BRF1: variants seen among roughly 807,000 people sequenced by gnomAD.
The protein encoded by BRF1 is transcription factor IIIB 90 kDa subunit.
A neutral mutation model predicts 81.7 loss-of-function variants in BRF1; 59 were observed. The ratio of observed to expected loss-of-function variants is 0.72; its 90% CI spans 0.59 to 0.90. BRF1 has a LOEUF of 0.90. Ranked by LOEUF, BRF1 falls within the 40% of genes least tolerant of loss-of-function variation. The pLI is 0.00. For synonymous variants in BRF1, 491 were observed against 395.6 expected (o/e 1.24, Z -2.86); for missense variants, 1,050 against 936.3 (o/e 1.12, Z -1.58).
chr14:105,213,788 G>A (rs376885148), intron 15 of BRF1, among the ~76,000 whole-genome samples: 4 of 152,306 alleles, frequency 2.6e-5, no homozygotes, highest in African/African-American at 9.6e-5. Flanking sequence ...TACTCCTGCA[G>A]AACCCGGCTG....
intron 3 of BRF1, among the ~76,000 whole-genome samples, chr14:105,272,326 C>T (rs778962122): frequency 1.6e-4 from 24 of 152,234 alleles, no homozygotes; most frequent in African/African-American, 5.3e-4. Context: ...ACTCGGTGTA[C>T]GCCTGGCTGC....
At chr14:105,244,555 G>A (rs2054944956) in intron 5 of BRF1, among the ~76,000 whole-genome samples, 1 of 152,122 alleles carries the variant, frequency 6.6e-6, no homozygotes, top group African/African-American at 2.4e-5. Context: ...AACGCGGAGT[G>A]GCAGAGCGGC....
chr14:105,241,001 A>C (rs906406078), intron 6 of BRF1, among the ~76,000 whole-genome samples: 1 of 152,192 alleles, frequency 6.6e-6, no homozygotes, highest in Non-Finnish European at 1.5e-5. Context: ...GCCGCACCCC[A>C]GAAGTAGGCA....
intron 4 of BRF1, among the ~76,000 whole-genome samples, chr14:105,253,446 C>T (rs920589401): frequency 6.6e-6 from 1 of 152,230 alleles, no homozygotes; most frequent in Admixed American, 6.5e-5. Context: ...CCCTCTGCCA[C>T]TAGCCTCCCC....
chr14:105,314,914 G>C, intron 1 of BRF1: 1 of 1,025,406 alleles, frequency 9.8e-7, no homozygotes. Flanking sequence ...GGCGGGGCCG[G>C]CGCCATGGCC....
upstream of BRF1, among the ~76,000 whole-genome samples, chr14:105,302,031 C>T (rs587762984): frequency 1.3e-5 from 2 of 151,826 alleles, no homozygotes; most frequent in African/African-American, 4.8e-5. Flanking sequence ...CCCAGCTACT[C>T]GCGAGTCTGA....
chr14:105,289,456 A>ATTCTCTCTTCT (rs2057435639), intron 1 of BRF1, among the ~76,000 whole-genome samples: 1 of 152,226 alleles, frequency 6.6e-6, no homozygotes, highest in African/African-American at 2.4e-5. Context: ...AGAATCCAGA[A>ATTCTCTCTTCT]GAGAGGCCAG....
chr14:105,229,342 C>G (rs587678623), intron 6 of BRF1, among the ~76,000 whole-genome samples: 5 of 152,222 alleles, frequency 3.3e-5, no homozygotes, highest in South Asian at 2.1e-4. Flanking sequence ...CCAGAACCTC[C>G]AGTGCAAACA....
intron 1 of BRF1, among the ~76,000 whole-genome samples, chr14:105,297,034 T>C (rs897520496): frequency 6.6e-6 from 1 of 151,634 alleles, no homozygotes; most frequent in African/African-American, 2.4e-5. Context: ...GGTGGGCTCC[T>C]GTAATCACAG....
intron 2 of BRF1, among the ~76,000 whole-genome samples, chr14:105,281,758 T>A (rs903106244): frequency 9.9e-5 from 15 of 151,936 alleles, no homozygotes; most frequent in South Asian, 2.1e-4. Flanking sequence ...TTTTTTTTTT[T>A]AAATTCCTTT....
rs1413362839 is a variant in BRF1, at chr14:105,271,778, G to A, written c.439+943C>T. ...ACCAGATGCACAGAGACCAGTGCAA[G>A]AGAACACCAGACACTGGATCTCCAC... On this transcript the variant is annotated intron_variant, in intron 3 of 17. Transcript: ENST00000547530. The surrounding 1 kb of genome is among the most constrained non-coding windows in gnomAD (Gnocchi z 5.5). Among the ~76,000 whole-genome samples the A allele has an allele frequency of 6.6e-6, 1 of 152,256 alleles. No homozygotes were observed. The highest frequency in any genetic ancestry group is 2.4e-5 in the African/African-American group (1 of 41,474).
Position 105,272,830 on chromosome 14 carries a change from G to C in BRF1, c.330C>G (p.Ala110=). The C allele has an allele frequency of 6.2e-7, 1 of 1,614,070 alleles. No homozygotes were observed. The highest frequency in any genetic ancestry group is 8.5e-7 in the Non-Finnish European group (1 of 1,180,016). The change falls in exon 3 of 18, where the codon GCC becomes GCG. Residue 110 remains alanine, a synonymous_variant. Coordinates refer to ENST00000547530, the MANE Select transcript of BRF1 (RefSeq NM_001519.4). ...TCACGGCCATCTTGAAGAAGTTGAAGGCGGTGTCCAGGCAGTGCTGGTTCA... is the reference window on the plus strand; with the variant it reads ...TCACGGCCATCTTGAAGAAGTTGAACGCGGTGTCCAGGCAGTGCTGGTTCA... The part of the protein sequence containing the change: ...LQLNQHCLDT[A]FNFFKMAVSR...
intron 6 of BRF1, 94 bp from the exon 7 acceptor site, chr14:105,229,007 G>T: frequency 8.7e-7 from 1 of 1,148,414 alleles, no homozygotes; most frequent in Non-Finnish European, 1.3e-6. Context: ...CCCGGTCACG[G>T]AGATGATGGC....
rs587690288 is a variant in BRF1 at position 105,228,469 on chromosome 14, G to A, written c.788+351C>T. ...TGAGGCAGGAGAATCTCTTGGACCC[G>A]GGAGGCAGAGGTTACAGTGAGCCGA... On this transcript the variant is annotated intron_variant, in intron 7 of 17. Transcript: ENST00000547530. Among the ~76,000 whole-genome samples the A allele has an allele frequency of 1.8e-4, 28 of 151,952 alleles. No homozygotes were observed. The East Asian group carries it at 2.3e-3, about 13-fold the overall frequency.
intron 6 of BRF1, 39 bp downstream of exon 6, chr14:105,241,226 C>A (rs587768061): frequency 6.2e-7 from 1 of 1,603,346 alleles, no homozygotes; most frequent in Non-Finnish European, 8.5e-7. Context: ...AGGCCAGGAC[C>A]CAGACCAGCA....
At chr14:105,246,746 C>G (rs891392675) in intron 5 of BRF1, 41 of 937,664 alleles carry the variant, frequency 4.4e-5, no homozygotes, top group Non-Finnish European at 5.2e-5. Context: ...CGTGAGCCAC[C>G]GCGCCCAACC....
At chr14:105,289,035 C>CAAAA (rs751051126) in intron 1 of BRF1, among the ~76,000 whole-genome samples, 5 of 96,508 alleles carry the variant, frequency 5.2e-5, no homozygotes, top group African/African-American at 2.0e-4. Context: ...GACCCTGTCT[C>CAAAA]AAAAAAAAAA....
At chr14:105,277,823 C>T (rs1210529642) in intron 2 of BRF1, among the ~76,000 whole-genome samples, 1 of 152,210 alleles carries the variant, frequency 6.6e-6, no homozygotes, top group African/African-American at 2.4e-5. Flanking sequence ...GGTGCGATCT[C>T]AGCTCACTGC....
At chr14:105,258,420 C>T (rs587699907) in intron 3 of BRF1, among the ~76,000 whole-genome samples, 10 of 150,830 alleles carry the variant, frequency 6.6e-5, no homozygotes, top group East Asian at 3.9e-4. Context: ...ACCCAGAAGG[C>T]GGAGCTTGCA....
Sources: gnomAD v4.1 joint callset for allele counts (sites outside exome capture counted in the v4.1 genomes callset) on GRCh38, gnomAD v4.1.1 for gene constraint, Gnocchi (gnomAD v3.1) non-coding constraint, MANE v1.5 for transcripts, NCBI Gene and HGNC (gene_info 2026-07-23, HGNC 2026-07-21) for gene names.